Variants in TMTC3 observed in about 807,000 individuals in gnomAD.
The protein encoded by TMTC3 is protein O-mannosyl-transferase TMTC3.
TMTC3 carries 52 observed loss-of-function variants against 92.2 expected under a neutral mutation model. That is an observed-to-expected ratio of 0.56 (90% CI 0.45 to 0.71). The LOEUF (loss-of-function observed/expected upper bound fraction) is 0.71. Among genes scored for constraint, TMTC3 ranks in the 30% least tolerant of loss-of-function variants. TMTC3 has a pLI of 0.00. For missense variants in TMTC3, 896 were observed against 1,057.1 expected (o/e 0.85, Z 2.11); for synonymous variants, 339 against 363.3 (o/e 0.93, Z 0.76).
chr12:88,150,620 T>C (rs542916910), intron 2 of TMTC3, among the ~76,000 whole-genome samples: 51 of 152,298 alleles, frequency 3.3e-4, no homozygotes, highest in Non-Finnish European at 6.3e-4. Flanking sequence ...TGTAGTTGTG[T>C]AGTTTCCTTG....
intron 12 of TMTC3, among the ~76,000 whole-genome samples, chr12:88,192,353 C>T (rs991981584): frequency 6.6e-6 from 1 of 152,060 alleles, no homozygotes; most frequent in South Asian, 2.1e-4. Context: ...TGATAGGTTG[C>T]CCTCTGAAAT....
intron 2 of TMTC3, among the ~76,000 whole-genome samples, chr12:88,152,257 G>A (rs1437577088): frequency 6.6e-6 from 1 of 152,178 alleles, no homozygotes; most frequent in African/African-American, 2.4e-5. Context: ...TGTAGAAGGT[G>A]AAGGGGGAGC....
chr12:88,172,838 T>TG (rs1298521338), intron 8 of TMTC3, 93 bp downstream of exon 8: 16 of 1,497,700 alleles, frequency 1.1e-5, no homozygotes, highest in Non-Finnish European at 1.3e-5. Context: ...TTCTAAGTCA[T>TG]GCTTTTGTAT....
chr12:88,175,796 T>C (rs1005666188), intron 9 of TMTC3, among the ~76,000 whole-genome samples: 27 of 152,182 alleles, frequency 1.8e-4, no homozygotes, highest in African/African-American at 6.5e-4. Flanking sequence ...TAATCTCAGG[T>C]TTTCCATTAC....
At chr12:88,153,647 C>T (rs1469939336) in intron 3 of TMTC3, 138 bp downstream of exon 3, 8 of 518,740 alleles carry the variant, frequency 1.5e-5, no homozygotes, top group East Asian at 9.2e-5. Flanking sequence ...CTCTTAAATT[C>T]GTACAGTTAA....
chr12:88,156,111 A>G, intron 4 of TMTC3, among the ~76,000 whole-genome samples: 1 of 152,298 alleles, frequency 6.6e-6, no homozygotes, highest in South Asian at 2.1e-4. Flanking sequence ...CTCAAAACAA[A>G]AAAAAAGAAT....
At chr12:88,146,932 T>C (rs1365777982) in intron 1 of TMTC3, among the ~76,000 whole-genome samples, 3 of 150,292 alleles carry the variant, frequency 2.0e-5, no homozygotes, top group Non-Finnish European at 3.0e-5. Context: ...ATACGTATTA[T>C]TGTATATTTT....
intron 1 of TMTC3, among the ~76,000 whole-genome samples, chr12:88,143,107 T>C (rs184169311): frequency 4.6e-5 from 7 of 152,134 alleles, no homozygotes; most frequent in South Asian, 2.1e-4. Flanking sequence ...CCTAAGAAGC[T>C]GTAGACTTAA....
intron 6 of TMTC3, 22 bp from the exon 7 acceptor site, chr12:88,166,308 T>C: frequency 6.4e-7 from 1 of 1,574,476 alleles, no homozygotes; most frequent in Non-Finnish European, 8.6e-7. Context: ...ATTTGTAATC[T>C]TTTTTTTAAT....
At chr12:88,155,826 T>C (rs1264630974) in intron 4 of TMTC3, among the ~76,000 whole-genome samples, 3 of 152,122 alleles carry the variant, frequency 2.0e-5, no homozygotes, top group East Asian at 3.8e-4. Context: ...AATTACTTAT[T>C]TGGGCTGGGT....
At position 88,176,296 on chromosome 12, in the gene TMTC3, T is replaced by C; in HGVS notation, c.1409T>C (p.Leu470Ser). The change falls in exon 10 of 14, where the codon TTA becomes TCA. Residue 470 changes from leucine to serine, a missense_variant. Transcript: ENST00000266712. ...KNFERALKYFLQATHVQPDDI... is the reference protein window; with the variant it reads ...KNFERALKYFSQATHVQPDDI... ...TTTGAGAGAGCTTTGAAATACTTCT[T>C]ACAGGCTACCCATGTTCAGCCAGGT... 6.2e-7 allele frequency: 1 copy of C among 1,611,720 alleles called. No individual in the cohort carries two copies.
At chr12:88,190,217 A>C (rs1018055697) in intron 11 of TMTC3, among the ~76,000 whole-genome samples, 4 of 152,198 alleles carry the variant, frequency 2.6e-5, no homozygotes, top group African/African-American at 9.7e-5. Context: ...ATGCCACCTC[A>C]GTGGATTATT....
At chr12:88,160,301 T>C in intron 5 of TMTC3, 72 bp downstream of exon 5, 1 of 861,728 alleles carries the variant, frequency 1.2e-6, no homozygotes, top group Non-Finnish European at 1.7e-6. Flanking sequence ...ATTTTATTTA[T>C]TTTTATTTTC....
At chr12:88,169,668 A>G (rs757048186) in intron 7 of TMTC3, among the ~76,000 whole-genome samples, 7 of 152,166 alleles carry the variant, frequency 4.6e-5, no homozygotes, top group South Asian at 2.1e-4. Context: ...ACTGGGTTCA[A>G]TCGCTCATGC....
intron 10 of TMTC3, among the ~76,000 whole-genome samples, chr12:88,181,313 T>C (rs1253874771): frequency 1.3e-5 from 2 of 152,236 alleles, no homozygotes; most frequent in African/African-American, 4.8e-5. Flanking sequence ...TAACATTTGT[T>C]TGCCATAACC....
At position 88,198,597 on chromosome 12, in the gene TMTC3, C is replaced by G. The variant is rs2041542425; in HGVS notation, c.*2948C>G. The G allele has an allele frequency of 5.1e-6, 2 of 391,842 alleles. No homozygotes were observed. Among genetic ancestry groups the G allele is most frequent in the Non-Finnish European group, 9.0e-6 (2 of 221,942 alleles). 24.3% of individuals were successfully genotyped at this position (391,842 alleles called of 1,614,324 possible). ...GAGTAAAATAACGTATTTTGCTTTT[C>G]AATTTTGTGTTTGTTTACTTTTATG... On this transcript the variant is annotated 3_prime_UTR_variant, in exon 14 of 14. Coordinates refer to ENST00000266712, the MANE Select transcript of TMTC3 (RefSeq NM_181783.4).
chr12:88,193,485 T>C (rs753298691), intron 13 of TMTC3, among the ~76,000 whole-genome samples: 1 of 152,134 alleles, frequency 6.6e-6, no homozygotes, highest in Non-Finnish European at 1.5e-5. Context: ...TGTTTAGTTA[T>C]TTCTTAGATA....
At position 88,192,554 on chromosome 12, in the gene TMTC3, A is replaced by G. The variant is rs1047768494; in HGVS notation, c.1707-50A>G. Reference sequence around the variant, plus strand: ...AAACTTGGCAAAAATTGTATCTACAAACTGAGATGGTAATGTTGTAAGTAA... The same window carrying G: ...AAACTTGGCAAAAATTGTATCTACAGACTGAGATGGTAATGTTGTAAGTAA... On this transcript the variant is annotated intron_variant, in intron 12 of 13. Coordinates refer to ENST00000266712, the MANE Select transcript of TMTC3 (RefSeq NM_181783.4). 9 of 1,435,726 alleles carry G rather than the reference A, an allele frequency of 6.3e-6. No homozygotes were observed. The South Asian group carries it at 7.3e-5, about 12-fold the overall frequency. 88.9% of individuals were successfully genotyped at this position (1,435,726 alleles called of 1,614,324 possible).
At chr12:88,187,474 G>A (rs2041391348) in intron 10 of TMTC3, among the ~76,000 whole-genome samples, 1 of 151,916 alleles carries the variant, frequency 6.6e-6, no homozygotes, top group African/African-American at 2.4e-5. Flanking sequence ...AACTACACAG[G>A]TATTCTGATT....
Sources: allele counts gnomAD v4.1 joint callset (sites outside exome capture counted in the v4.1 genomes callset), GRCh38; gene constraint gnomAD v4.1.1; transcripts MANE v1.5; gene names NCBI Gene and HGNC (gene_info 2026-07-23, HGNC 2026-07-21).